Variants in TET2 observed in about 807,000 individuals in gnomAD.
TET2 encodes the protein methylcytosine dioxygenase TET2.
TET2 carries 299 observed loss-of-function variants against 142.9 expected under a neutral mutation model. The ratio of observed to expected loss-of-function variants is 2.09; its 90% CI spans 1.90 to 2.30. The LOEUF (loss-of-function observed/expected upper bound fraction) is 2.30, where lower values mean the gene tolerates loss of function less well. TET2 is among the 30% of genes most tolerant of loss of function. TET2 has a pLI of 0.00. For missense variants in TET2, 2,418 were observed against 2,378.0 expected (o/e 1.02, Z -0.35); for synonymous variants, 819 against 849.0 (o/e 0.96, Z 0.61).
chr4:105,204,235 A>G (rs1244646736), intron 2 of TET2, among the ~76,000 whole-genome samples: 2 of 39,810 alleles, frequency 5.0e-5, no homozygotes, highest in African/African-American at 2.6e-4. Context: ...AAAAATATAT[A>G]CACACACACA....
intron 3 of TET2, chr4:105,239,755 T>C (rs1177844770): frequency 4.3e-6 from 1 of 230,142 alleles, no homozygotes. Flanking sequence ...ATTCACAACT[T>C]GGCTAACTGG....
In TET2 at chr4:105,278,451, T is replaced by C. The variant is rs1731319562; in HGVS notation, c.*1932T>C. On this transcript the variant is annotated 3_prime_UTR_variant, in exon 11 of 11. Transcript: ENST00000380013. ...TTTCAATACTTGATTTCTTAGCAAGTATAACTTGAACTTCAACCTTTTTGT... is the reference window on the plus strand; with the variant it reads ...TTTCAATACTTGATTTCTTAGCAAGCATAACTTGAACTTCAACCTTTTTGT... The C allele has an allele frequency of 4.5e-6, 1 of 223,034 alleles. No individual in the cohort carries two copies. The highest frequency in any genetic ancestry group is 1.8e-4 in the South Asian group (1 of 5,436). 13.8% of individuals were successfully genotyped at this position (223,034 alleles called of 1,614,324 possible).
intron 6 of TET2, among the ~76,000 whole-genome samples, chr4:105,255,257 GT>G (rs1376364955): frequency 1.3e-5 from 2 of 152,020 alleles, no homozygotes; most frequent in Non-Finnish European, 2.9e-5. Context: ...TTTCTATCAT[GT>G]TTTTTTGATT....
chr4:105,271,045 A>G (rs945593218), intron 9 of TET2, among the ~76,000 whole-genome samples: 3 of 152,182 alleles, frequency 2.0e-5, no homozygotes, highest in African/African-American at 7.2e-5. Flanking sequence ...AAAGGGCAAG[A>G]TGGTAAATAT....
intron 1 of TET2, among the ~76,000 whole-genome samples, chr4:105,151,328 G>A (rs12511800): frequency 0.056 from 8,490 of 151,974 alleles, 400 homozygotes; most frequent in East Asian, 0.19. Context: ...CTCAAACAGC[G>A]ACAACAACAA....
chr4:105,189,104 C>G (rs965996872), intron 1 of TET2, among the ~76,000 whole-genome samples: 1 of 151,834 alleles, frequency 6.6e-6, no homozygotes, highest in African/African-American at 2.4e-5. Context: ...GCAACGTGTC[C>G]CAGTCTCAGC....
At chr4:105,205,611 C>T (rs1408641991) in intron 2 of TET2, among the ~76,000 whole-genome samples, 1 of 152,104 alleles carries the variant, frequency 6.6e-6, no homozygotes, top group African/African-American at 2.4e-5. Context: ...ATAATTTTCT[C>T]AGAGTATTCA....
intron 8 of TET2, among the ~76,000 whole-genome samples, chr4:105,263,161 CAAA>C (rs1332491798): frequency 1.3e-5 from 2 of 152,034 alleles, no homozygotes; most frequent in African/African-American, 4.8e-5. Context: ...AATTTAAAAA[CAAA>C]ACCCAAAAGT....
At chr4:105,242,132 C>T (rs1023675733) in intron 4 of TET2, 1 of 1,162,638 alleles carries the variant, frequency 8.6e-7, no homozygotes, top group Non-Finnish European at 1.1e-6. Flanking sequence ...ACTTAGGATA[C>T]ATTGGGGCAG....
At chr4:105,175,792 C>A (rs1013818603) in intron 1 of TET2, among the ~76,000 whole-genome samples, 1 of 151,742 alleles carries the variant, frequency 6.6e-6, no homozygotes, top group Non-Finnish European at 1.5e-5. Context: ...TTCAGAAAAT[C>A]AAAGATTAAA....
intron 1 of TET2, chr4:105,172,403 A>AAAAT (rs1295252634): frequency 6.6e-6 from 1 of 152,228 alleles, no homozygotes; most frequent in African/African-American, 2.4e-5. Context: ...TAAGGTAAAG[A>AAAAT]AAATATATTT....
At chr4:105,242,619 T>A (rs1444323850) in intron 4 of TET2, 1 of 1,282,660 alleles carries the variant, frequency 7.8e-7, no homozygotes, top group Non-Finnish European at 9.9e-7. Context: ...AATAGTTCAT[T>A]ACAATTATCT....
intron 2 of TET2, among the ~76,000 whole-genome samples, chr4:105,193,833 T>C (rs1047349776): frequency 6.6e-6 from 1 of 152,216 alleles, no homozygotes; most frequent in Non-Finnish European, 1.5e-5. Context: ...TCATATAGGC[T>C]GAATTAAGTT....
In TET2 at chr4:105,236,659, T is replaced by A. The variant is rs778285933; in HGVS notation, c.2717T>A (p.Met906Lys). ...LQGYKNRNQD[M>K]SGQQAAQLAQ... ...GGATATAAAAATAGAAACCAAGATA[T>A]GTCTGGTCAACAAGCTGCGCAACTT... is the stretch of plus-strand genomic sequence containing the variant. The change falls in exon 3 of 11, where the codon ATG becomes AAG. Residue 906 changes from methionine (M) to lysine (K), a missense_variant. Transcript: ENST00000380013. The A allele has an allele frequency of 1.9e-6, 3 of 1,613,968 alleles. No homozygotes were observed. Among genetic ancestry groups the A allele is most frequent in the South Asian group, 2.2e-5 (2 of 91,090 alleles).
chr4:105,175,323 A>T (rs1420152450), intron 1 of TET2, among the ~76,000 whole-genome samples: 2 of 152,178 alleles, frequency 1.3e-5, no homozygotes, highest in African/African-American at 4.8e-5. Flanking sequence ...GTGAGGGATT[A>T]AAAAAATGAC....
intron 2 of TET2, among the ~76,000 whole-genome samples, chr4:105,212,368 A>G (rs1158178646): frequency 1.3e-5 from 2 of 152,212 alleles, no homozygotes. Context: ...AACTAATAAA[A>G]TAATAAGCTC....
chr4:105,216,541 A>G lies in TET2; in HGVS notation c.-46-17356A>G, dbSNP rs376823890. On this transcript the variant is annotated intron_variant, in intron 2 of 10. Transcript: ENST00000380013. Reference sequence around the variant, plus strand: ...TAGAGGGGAAAGGGGGTAAGCTACAACTTTTAGGTTGTTGGTGATATTTGA... The same window carrying G: ...TAGAGGGGAAAGGGGGTAAGCTACAGCTTTTAGGTTGTTGGTGATATTTGA... Among the ~76,000 whole-genome samples, 10 of 152,172 alleles carry G rather than the reference A, an allele frequency of 6.6e-5. No homozygotes were observed. The East Asian group carries it at 1.3e-3, about 21-fold the overall frequency.
chr4:105,275,581 T>C lies in TET2; in HGVS notation c.5071T>C (p.Ser1691Pro). 6.4e-7 allele frequency: 1 copy of C among 1,551,728 alleles called. No individual in the cohort carries two copies. The highest frequency in any genetic ancestry group is 8.7e-7 in the Non-Finnish European group (1 of 1,146,972). ...PRFGNSQSFT[S>P]KYLGYGNQNM... ...GTTTGGAAATAGCCAGAGTTTTACA[T>C]CTAAATACTTAGGTTATGGAAACCA... Residue 1691 changes from serine (S) to proline (P), a missense_variant, in exon 11 of 11, where the codon TCT becomes CCT. Coordinates refer to ENST00000380013, the MANE Select transcript of TET2 (RefSeq NM_001127208.3).
chr4:105,237,552 T>C, intron 3 of TET2: 2 of 1,531,888 alleles, frequency 1.3e-6, no homozygotes, highest in Non-Finnish European at 1.7e-6. Flanking sequence ...TACATGCAGT[T>C]TTTCCAAAAG....
Sources: allele counts gnomAD v4.1 joint callset (sites outside exome capture counted in the v4.1 genomes callset), GRCh38; gene constraint gnomAD v4.1.1; transcripts MANE v1.5; gene names NCBI Gene and HGNC (gene_info 2026-07-23, HGNC 2026-07-21).